Variants in CDH12 observed in about 807,000 individuals in gnomAD.
CDH12 encodes cadherin-12.
In CDH12, 41 loss-of-function variants were observed where a neutral mutation model predicts 74.1. That is an observed-to-expected ratio of 0.55 (90% CI 0.43 to 0.72). The LOEUF is 0.72. Ranked by LOEUF, CDH12 falls within the 30% of genes least tolerant of loss-of-function variation. CDH12 has a pLI of 0.00. For synonymous variants in CDH12, 399 were observed against 355.0 expected, an observed-to-expected ratio of 1.12 and a Z score of -1.39; for missense variants, 945 against 977.2, an observed-to-expected ratio of 0.97 and a Z score of 0.44.
chr5:22,009,461 C>T (rs1737160154), intron 5 of CDH12, among the ~76,000 whole-genome samples: 1 of 152,058 alleles, frequency 6.6e-6, no homozygotes. Flanking sequence ...ACAGAAATTT[C>T]CCCCCAAATT....
intron 1 of CDH12, among the ~76,000 whole-genome samples, chr5:22,703,590 C>T (rs1742831955): frequency 1.3e-5 from 2 of 152,134 alleles, no homozygotes; most frequent in South Asian, 4.1e-4. Flanking sequence ...GTGTTAACTC[C>T]ACATAATAGT....
At chr5:22,468,479 C>T (rs1390477793) in intron 2 of CDH12, among the ~76,000 whole-genome samples, 1 of 152,106 alleles carries the variant, frequency 6.6e-6, no homozygotes, top group African/African-American at 2.4e-5. Context: ...ATACAATATT[C>T]AGTTTTTGGA....
chr5:22,671,648 G>A (rs1018442819), intron 1 of CDH12, among the ~76,000 whole-genome samples: 5 of 152,040 alleles, frequency 3.3e-5, no homozygotes, highest in African/African-American at 1.2e-4. Context: ...ACAGAAGAAA[G>A]TGTTTATAGG....
chr5:21,896,060 G>A (rs1400808133), intron 6 of CDH12, among the ~76,000 whole-genome samples: 1 of 152,136 alleles, frequency 6.6e-6, no homozygotes, highest in African/African-American at 2.4e-5. Context: ...CTGAGAGAAG[G>A]TGCATTGGCT....
chr5:22,531,737 C>T (rs1737589573), intron 1 of CDH12, among the ~76,000 whole-genome samples: 1 of 152,038 alleles, frequency 6.6e-6, no homozygotes, highest in Non-Finnish European at 1.5e-5. Context: ...CCGGAAAAGA[C>T]TCAAAAATGG....
chr5:21,964,168 G>A (rs1031080927), intron 6 of CDH12, among the ~76,000 whole-genome samples: 1 of 151,798 alleles, frequency 6.6e-6, no homozygotes, highest in Non-Finnish European at 1.5e-5. Flanking sequence ...TAAGAATGAG[G>A]ATAGAGAAAA....
chr5:22,116,490 A>G (rs192352924), intron 4 of CDH12, among the ~76,000 whole-genome samples: 3 of 152,246 alleles, frequency 2.0e-5, no homozygotes, highest in African/African-American at 7.2e-5. Flanking sequence ...CTGTAGTCCT[A>G]GCTACTCAGG....
intron 5 of CDH12, among the ~76,000 whole-genome samples, chr5:22,057,455 GA>G (rs371543300): frequency 1.0e-3 from 150 of 149,316 alleles, no homozygotes; most frequent in African/African-American, 2.8e-3. Flanking sequence ...CAATTGTGAG[GA>G]AAAAAAAAAT....
At chr5:21,843,572 TG>T (rs1749991284) in intron 7 of CDH12, among the ~76,000 whole-genome samples, 1 of 151,530 alleles carries the variant, frequency 6.6e-6, no homozygotes. Flanking sequence ...TGGAGTGCAA[TG>T]GTGCAATCTG....
chr5:22,701,093 G>T (rs1487404), intron 1 of CDH12, among the ~76,000 whole-genome samples: 95,622 of 151,848 alleles, frequency 0.63, 30,360 homozygotes, highest in Admixed American at 0.71. Context: ...CTTAAGGCTT[G>T]GATTCTATCC....
intron 3 of CDH12, among the ~76,000 whole-genome samples, chr5:22,311,209 G>A (rs1738374791): frequency 6.6e-6 from 1 of 152,116 alleles, no homozygotes; most frequent in Non-Finnish European, 1.5e-5. Flanking sequence ...ATAGATTCAA[G>A]TTGCCCTAAA....
chr5:22,616,873 T>G (rs1005971913), intron 1 of CDH12, among the ~76,000 whole-genome samples: 2 of 151,986 alleles, frequency 1.3e-5, no homozygotes, highest in African/African-American at 2.4e-5. Context: ...TTTTCACTTT[T>G]TTTTTTCTTA....
At chr5:22,720,037 A>AACACACAC (rs10654995) in intron 1 of CDH12, among the ~76,000 whole-genome samples, 34 of 148,436 alleles carry the variant, frequency 2.3e-4, no homozygotes, top group Middle Eastern at 3.4e-3. Context: ...ACAAAAACAC[A>AACACACAC]ACACACACAC....
intron 1 of CDH12, among the ~76,000 whole-genome samples, chr5:22,532,350 GATAT>G (rs71609770): frequency 0.049 from 1,361 of 27,554 alleles, 237 homozygotes; most frequent in Middle Eastern, 0.11. Context: ...ATATAAATAG[GATAT>G]ATATATATAT....
At chr5:21,827,391 T>A (rs1277662716) in intron 8 of CDH12, among the ~76,000 whole-genome samples, 11 of 151,592 alleles carry the variant, frequency 7.3e-5, no homozygotes, top group African/African-American at 9.7e-5. Flanking sequence ...TGAAAACCTT[T>A]AAAAAAAAGG....
intron 14 of CDH12, among the ~76,000 whole-genome samples, chr5:21,754,999 T>G (rs1744305317): frequency 1.3e-5 from 2 of 152,188 alleles, no homozygotes; most frequent in African/African-American, 4.8e-5. Context: ...TCTGTTCTAG[T>G]GGGAATGGTT....
intron 2 of CDH12, among the ~76,000 whole-genome samples, chr5:22,501,443 G>A (rs374206528): frequency 2.6e-4 from 39 of 152,122 alleles, no homozygotes; most frequent in South Asian, 2.3e-3. Flanking sequence ...TAACTCTTTC[G>A]TCTGAATTAA....
chr5:22,569,875 G>A (rs1353195048), intron 1 of CDH12, among the ~76,000 whole-genome samples: 1 of 152,036 alleles, frequency 6.6e-6, no homozygotes, highest in Non-Finnish European at 1.5e-5. Context: ...CCAAACTTGT[G>A]TTAAGGTTGA....
At chr5:22,167,717 C>T (rs1748766055) in intron 4 of CDH12, among the ~76,000 whole-genome samples, 1 of 152,118 alleles carries the variant, frequency 6.6e-6, no homozygotes, top group Non-Finnish European at 1.5e-5. Context: ...GTATTAAATA[C>T]TCTTATTTTA....
Sources: gnomAD v4.1 joint callset for allele counts (sites outside exome capture counted in the v4.1 genomes callset) on GRCh38, gnomAD v4.1.1 for gene constraint, MANE v1.5 for transcripts, NCBI Gene and HGNC (gene_info 2026-07-23, HGNC 2026-07-21) for gene names.